Variants in ACP3 observed in about 807,000 individuals in gnomAD.
ACP3 encodes prostatic acid phosphatase.
In ACP3, 38 loss-of-function variants were observed where a neutral mutation model predicts 45.6. The observed-to-expected ratio is 0.83, with a 90% CI of 0.64 to 1.09. The LOEUF (loss-of-function observed/expected upper bound fraction) is 1.09, where lower values mean the gene tolerates loss of function less well. Among genes scored for constraint, ACP3 ranks in the 50% least tolerant of loss-of-function variants. The probability of loss-of-function intolerance (pLI) is 0.00; values close to 1 mark genes in which losing one functional copy is unlikely to be tolerated. For synonymous variants in ACP3, 162 were observed against 164.7 expected (o/e 0.98, Z 0.13); for missense variants, 466 against 463.2 (o/e 1.01, Z -0.05).
At chr3:132,367,880 C>T (rs1938156544) in exon 11 of ACP3, 4 of 1,274,048 alleles carry the variant, frequency 3.1e-6, no homozygotes, top group Admixed American at 1.7e-5. Flanking sequence ...TCAGTGGTGC[C>T]GCATCTAAAG....
At chr3:132,352,609 G>C (rs1033884617) in intron 8 of ACP3, 111 bp from the exon 9 acceptor site, 88 of 741,344 alleles carry the variant, frequency 1.2e-4, no homozygotes, top group Middle Eastern at 4.8e-4. Flanking sequence ...AGTCATTGTG[G>C]GCGTATGGGA....
chr3:132,345,007 C>T lies in ACP3; in HGVS notation c.729C>T (p.Leu243=), dbSNP rs774280963. ...TGAGAGAATTGTCAGAATTGTCCCT[C>T]CTGTCCCTCTATGGAATTCACAAGC... ...TKLRELSELS[L]LSLYGIHKQK... is the part of the protein sequence containing the mutation. The change falls in exon 7 of 10, where the codon CTC becomes CTT. Residue 243 remains leucine (L), a synonymous_variant. Coordinates refer to ENST00000336375, the MANE Select transcript of ACP3 (RefSeq NM_001099.5). 2.3e-5 allele frequency: 37 copies of T among 1,613,760 alleles called. No homozygotes were observed. The Middle Eastern group carries it at 2.5e-3, about 108-fold the overall frequency.
At chr3:132,364,081 T>A (rs1001292264) in intron 10 of ACP3, among the ~76,000 whole-genome samples, 1 of 152,170 alleles carries the variant, frequency 6.6e-6, no homozygotes, top group African/African-American at 2.4e-5. Flanking sequence ...CAGTGGCTCA[T>A]GCCTGTAATC....
intron 7 of ACP3, among the ~76,000 whole-genome samples, chr3:132,345,298 G>A (rs548580114): frequency 6.6e-6 from 1 of 152,304 alleles, no homozygotes; most frequent in East Asian, 1.9e-4. Context: ...ATAATACACT[G>A]TCAATAAATG....
At position 132,356,783 on chromosome 3, in the gene ACP3, T is replaced by C. The variant is rs1291998963; in HGVS notation, c.1066T>C (p.Phe356Leu). 14 of 1,613,930 alleles carry C rather than the reference T, an allele frequency of 8.7e-6. No homozygotes were observed. Among genetic ancestry groups the C allele is most frequent in the Admixed American group, 6.7e-5 (4 of 59,984 alleles). ...CAGCCCCAGCTGTCCTCTGGAGAGG[T>C]TTGCTGAGCTGGTTGGCCCTGTGAT... ...GCSPSCPLER[F>L]AELVGPVIPQ... is the part of the protein sequence containing the mutation. Residue 356 changes from phenylalanine (F) to leucine (L), a missense_variant, in exon 10 of 10, where the codon TTT becomes CTT. Phe to Leu is a conservative substitution (Grantham distance 22, BLOSUM62 0). Transcript: ENST00000336375.
intron 1 of ACP3, among the ~76,000 whole-genome samples, chr3:132,326,630 C>T (rs1937303325): frequency 6.6e-6 from 1 of 152,200 alleles, no homozygotes; most frequent in Non-Finnish European, 1.5e-5. Flanking sequence ...GATCTGTTTT[C>T]TTCAGATATT....
At chr3:132,324,251 T>C (rs922535540) in intron 1 of ACP3, among the ~76,000 whole-genome samples, 2 of 151,484 alleles carry the variant, frequency 1.3e-5, no homozygotes, top group Non-Finnish European at 2.9e-5. Context: ...CACTTTTGTA[T>C]ATCTTTACAT....
chr3:132,355,218 C>A (rs1937854253), intron 9 of ACP3, among the ~76,000 whole-genome samples: 1 of 152,218 alleles, frequency 6.6e-6, no homozygotes, highest in Admixed American at 6.5e-5. Flanking sequence ...GGACACATAT[C>A]ATTTCTGCTC....
At chr3:132,337,254 T>C in intron 4 of ACP3, 1 of 415,802 alleles carries the variant, frequency 2.4e-6, no homozygotes, top group Non-Finnish European at 4.3e-6. Context: ...TTTTCAATTC[T>C]GAATACATAT....
At chr3:132,350,548 A>C (rs1249053666) in intron 8 of ACP3, among the ~76,000 whole-genome samples, 1 of 152,240 alleles carries the variant, frequency 6.6e-6, no homozygotes, top group Non-Finnish European at 1.5e-5. Flanking sequence ...ATGAAAAATT[A>C]AGTCCCTCGG....
rs376324267 is a variant in ACP3 at position 132,332,270 on chromosome 3, G to T, written c.382G>T (p.Gly128Cys). Residue 128 changes from glycine (G) to cysteine (C), a missense_variant, in exon 4 of 10, where the codon GGT becomes TGT. By Grantham distance (159) the Gly-to-Cys change is radical. Transcript: ENST00000336375. ...CCTGGCAGCCCTGTTTCCCCCAGAA[G>T]GTGTCAGCATCTGGAATCCTATCCT... ...TNLAALFPPE[G>C]VSIWNPILLW... 6.2e-7 allele frequency: 1 copy of T among 1,614,124 alleles called. No individual in the cohort carries two copies. Among genetic ancestry groups the T allele is most frequent in the East Asian group, 2.2e-5 (1 of 44,878 alleles).
chr3:132,333,656 A>T (rs1469149656), intron 4 of ACP3, among the ~76,000 whole-genome samples: 1 of 152,202 alleles, frequency 6.6e-6, no homozygotes, highest in Non-Finnish European at 1.5e-5. Context: ...AGGATGATTC[A>T]TTTACATCTC....
intron 9 of ACP3, 26 bp downstream of exon 9, chr3:132,352,849 T>C (rs752917282): frequency 6.8e-7 from 1 of 1,465,770 alleles, no homozygotes; most frequent in Admixed American, 1.7e-5. Context: ...CTTTTCAAAA[T>C]CAGTATCACT....
In ACP3 at chr3:132,356,915, T is replaced by C. The variant is rs73215937; in HGVS notation, c.*37T>C. On this transcript the variant is annotated 3_prime_UTR_variant, in exon 10 of 10. Coordinates refer to ENST00000336375, the MANE Select transcript of ACP3 (RefSeq NM_001099.5). Reference sequence around the variant, plus strand: ...ATCTCTGTAGAAGGAGTAGCTGCCCTTTCTCAGGGCAGATGATGCTTTGAG... The same window carrying C: ...ATCTCTGTAGAAGGAGTAGCTGCCCCTTCTCAGGGCAGATGATGCTTTGAG... 253,292 of 1,577,902 alleles carry C rather than the reference T, an allele frequency of 0.16. 21,844 individuals carry two copies. Among genetic ancestry groups the C allele is most frequent in the Non-Finnish European group, 0.18 (207,722 of 1,157,902 alleles).
At chr3:132,334,320 C>T (rs73215916) in intron 4 of ACP3, among the ~76,000 whole-genome samples, 2 of 152,154 alleles carry the variant, frequency 1.3e-5, no homozygotes, top group Non-Finnish European at 2.9e-5. Flanking sequence ...CAAAAAAATT[C>T]TCTCATATCA....
intron 10 of ACP3, among the ~76,000 whole-genome samples, chr3:132,366,060 G>C (rs2107825576): frequency 6.6e-6 from 1 of 152,022 alleles, no homozygotes; most frequent in African/African-American, 2.4e-5. Context: ...CAGGACTTTA[G>C]GAGGCTGAGG....
rs1250476990 is a variant in ACP3 at position 132,317,465 on chromosome 3, T to G, written c.9T>G (p.Ala3=). Reference sequence around the variant, plus strand: ...AAACAGCTCTCCTCAACATGAGAGCTGCACCCCTCCTCCTGGCCAGGGCAG... The same window carrying G: ...AAACAGCTCTCCTCAACATGAGAGCGGCACCCCTCCTCCTGGCCAGGGCAG... MR[A]APLLLARAAS... Residue 3 remains alanine, a synonymous_variant, in exon 1 of 10, where the codon GCT becomes GCG. Coordinates refer to ENST00000336375, the MANE Select transcript of ACP3 (RefSeq NM_001099.5). 1 of 1,612,942 alleles carries G rather than the reference T, an allele frequency of 6.2e-7. No individual in the cohort carries two copies.
At chr3:132,363,603 C>A (rs1157062912), downstream of ACP3, among the ~76,000 whole-genome samples, 1 of 152,186 alleles carries the variant, frequency 6.6e-6, no homozygotes, top group Non-Finnish European at 1.5e-5. Flanking sequence ...CCTAATGTAT[C>A]TCCACCATCC....
Position 132,337,537 on chromosome 3 carries a change from A to C in ACP3, c.538A>C (p.Arg180=), listed in dbSNP as rs761961998. 7.5e-6 allele frequency: 12 copies of C among 1,608,950 alleles called. No individual in the cohort carries two copies. The highest frequency in any genetic ancestry group is 7.7e-6 in the Non-Finnish European group (9 of 1,175,904). Reference sequence around the variant, plus strand: ...TTTGAAATCAGAGGAATTCCAGAAGAGGCTGCACCCTTATAAGGTTAAAAG... The same window carrying C: ...TTTGAAATCAGAGGAATTCCAGAAGCGGCTGCACCCTTATAAGGTTAAAAG... ...ETLKSEEFQK[R]LHPYKDFIAT... Residue 180 remains arginine (R), a synonymous_variant, in exon 5 of 10, where the codon AGG becomes CGG. Coordinates refer to ENST00000336375, the MANE Select transcript of ACP3 (RefSeq NM_001099.5).
Sources: allele counts gnomAD v4.1 joint callset (sites outside exome capture counted in the v4.1 genomes callset), GRCh38; gene constraint gnomAD v4.1.1; transcripts MANE v1.5; gene names NCBI Gene and HGNC (gene_info 2026-07-23, HGNC 2026-07-21).